The following SCTR variants were observed in gnomAD, a reference collection of about 807,000 sequenced individuals.
SCTR encodes the protein secretin receptor, also known as pancreatic secretin receptor.
Under a neutral mutation model 60.8 loss-of-function variants are expected in SCTR, and 56 were observed. The ratio of observed to expected loss-of-function variants is 0.92; its 90% CI spans 0.74 to 1.15. The LOEUF is 1.15. SCTR is among the 50% of genes most tolerant of loss of function. The pLI, the probability that SCTR is intolerant of heterozygous loss-of-function variation, is 0.00. For synonymous variants in SCTR, 202 were observed against 217.0 expected, an observed-to-expected ratio of 0.93 and a Z score of 0.61; for missense variants, 562 against 550.4, an observed-to-expected ratio of 1.02 and a Z score of -0.21.
At chr2:119,468,477 A>G (rs1022397958) in intron 4 of SCTR, among the ~76,000 whole-genome samples, 5 of 152,224 alleles carry the variant, frequency 3.3e-5, no homozygotes, top group Non-Finnish European at 5.9e-5. Flanking sequence ...TCATCTGCAA[A>G]ATGGGGATAA....
chr2:119,448,353 C>T (rs1258887854), intron 10 of SCTR, among the ~76,000 whole-genome samples: 1 of 152,176 alleles, frequency 6.6e-6, no homozygotes, highest in African/African-American at 2.4e-5. Context: ...GAAGGTCATC[C>T]TCCTCTGAAA....
Position 119,472,477 on chromosome 2 carries a change from C to A in SCTR, c.405+976G>T, listed in dbSNP as rs943543292. On this transcript the variant is annotated intron_variant, in intron 4 of 12. Coordinates refer to ENST00000019103, the MANE Select transcript of SCTR (RefSeq NM_002980.3). The stretch of plus-strand genomic sequence containing the variant: ...GGACAGTGATGCAGAGTGAGCTGAG[C>A]CCAGACAGGGCCCTGATGGCCACCC... Among the ~76,000 whole-genome samples, 8 of 152,282 alleles carry A rather than the reference C, an allele frequency of 5.3e-5. No individual in the cohort carries two copies. The East Asian group carries it at 1.5e-3, about 29-fold the overall frequency.
In SCTR at chr2:119,488,404, C is replaced by T. The variant is rs566440182; in HGVS notation, c.193+6024G>A. On this transcript the variant is annotated intron_variant, in intron 2 of 12. Coordinates refer to ENST00000019103, the MANE Select transcript of SCTR (RefSeq NM_002980.3). The stretch of plus-strand genomic sequence containing the variant: ...GTATGGTCAGGGCTTGCCCAGGTCC[C>T]CCCAGTGAGTGTGAGGCAGAAGTCA... Among the ~76,000 whole-genome samples, 26 of 152,338 alleles carry T rather than the reference C, an allele frequency of 1.7e-4. No homozygotes were observed. In the East Asian group the frequency reaches 4.4e-3, roughly 26 times the overall value.
Position 119,478,877 on chromosome 2 carries a change from A to G in SCTR, c.235T>C (p.Ser79Pro), listed in dbSNP as rs939678324. 2 of 1,614,158 alleles carry G rather than the reference A, an allele frequency of 1.2e-6. No homozygotes were observed. The stretch of plus-strand genomic sequence containing the variant: ...ACCTCCACCATCCGGCCCGGCACAG[A>G]AGAGGGCCAGCAGCTTATGTTGTCC... The part of the protein sequence containing the change: ...MWDNISCWPS[S>P]VPGRMVEVEC... Residue 79 changes from serine to proline, a missense_variant, in exon 3 of 13, where the codon TCT (serine) becomes CCT (proline). By Grantham distance (74) the Ser-to-Pro change is moderately conservative. Coordinates refer to ENST00000019103, the MANE Select transcript of SCTR (RefSeq NM_002980.3).
intron 10 of SCTR, among the ~76,000 whole-genome samples, chr2:119,447,250 A>G (rs1260351477): frequency 1.3e-5 from 2 of 152,148 alleles, no homozygotes; most frequent in Admixed American, 6.5e-5. Flanking sequence ...TTTGCTAGAT[A>G]ATAAATATCT....
intron 3 of SCTR, among the ~76,000 whole-genome samples, chr2:119,474,423 G>A (rs77998563): frequency 0.038 from 5,853 of 152,324 alleles, 367 homozygotes; most frequent in African/African-American, 0.13. Context: ...GAAGGCCACC[G>A]TGAGGAGTTT....
At chr2:119,473,596 A>G in intron 3 of SCTR, 40 bp from the exon 4 acceptor site, 2 of 1,214,396 alleles carry the variant, frequency 1.6e-6, no homozygotes, top group South Asian at 1.2e-5. Flanking sequence ...CCATGGGCCC[A>G]GGCACTGTGA....
chr2:119,477,104 A>C (rs527387816), intron 3 of SCTR: 3 of 152,350 alleles, frequency 2.0e-5, no homozygotes, highest in Admixed American at 1.3e-4. Flanking sequence ...TATTTTCCCC[A>C]TTTTACAGTC....
rs1219374429 is a variant in SCTR at position 119,446,897 on chromosome 2, G to T, written c.1014-12C>A. The T allele has an allele frequency of 4.0e-6, 6 of 1,495,166 alleles. No individual in the cohort carries two copies. In the Admixed American group the frequency reaches 1.3e-4, roughly 32 times the overall value. The allele number at this position is 1,495,166 out of a possible 1,614,324, so 92.6% of individuals were successfully genotyped here. ...ACCTGGCCAGGCGCCTGGGGACACAGAAAGCCTGTAGCCTCCACTCTGCCT... is the reference window on the plus strand; with the variant it reads ...ACCTGGCCAGGCGCCTGGGGACACATAAAGCCTGTAGCCTCCACTCTGCCT... On this transcript the variant is annotated splice_polypyrimidine_tract_variant and intron_variant, in intron 10 of 12. Coordinates refer to ENST00000019103, the MANE Select transcript of SCTR (RefSeq NM_002980.3).
chr2:119,462,044 G>C, intron 6 of SCTR, 44 bp from the exon 7 acceptor site: 2 of 1,566,192 alleles, frequency 1.3e-6, no homozygotes, highest in Non-Finnish European at 1.7e-6. Flanking sequence ...GTGGCAGTGG[G>C]GTTCCCTCTG....
intron 1 of SCTR, among the ~76,000 whole-genome samples, chr2:119,523,570 T>C (rs1019585378): frequency 7.9e-5 from 12 of 151,806 alleles, no homozygotes; most frequent in Non-Finnish European, 1.5e-4. Flanking sequence ...GGCGGTCCCA[T>C]CGCAGACCCA....
chr2:119,497,025 A>C (rs1479049318), intron 1 of SCTR, among the ~76,000 whole-genome samples: 1 of 152,170 alleles, frequency 6.6e-6, no homozygotes, highest in Non-Finnish European at 1.5e-5. Context: ...AGTCTCCCCC[A>C]ACCCATGATA....
intron 1 of SCTR, among the ~76,000 whole-genome samples, chr2:119,502,129 G>A (rs1174073548): frequency 4.6e-5 from 7 of 152,104 alleles, no homozygotes; most frequent in African/African-American, 1.7e-4. Context: ...GGTGTCATGA[G>A]CCCGTAGTCC....
At chr2:119,448,581 T>G (rs952917272) in intron 10 of SCTR, 108 bp downstream of exon 10, 1 of 700,268 alleles carries the variant, frequency 1.4e-6, no homozygotes, top group Non-Finnish European at 2.6e-6. Context: ...TACGACTAGG[T>G]CTACAACGTT....
chr2:119,513,650 T>C (rs141071948), intron 1 of SCTR, among the ~76,000 whole-genome samples: 2 of 152,324 alleles, frequency 1.3e-5, no homozygotes, highest in Non-Finnish European at 2.9e-5. Flanking sequence ...CTTTTGTCTT[T>C]TCCTAGAATT....
intron 2 of SCTR, among the ~76,000 whole-genome samples, chr2:119,490,338 C>T (rs1379328247): frequency 6.6e-6 from 1 of 152,226 alleles, no homozygotes; most frequent in Non-Finnish European, 1.5e-5. Flanking sequence ...CTCACAAACC[C>T]TCATGTTCCT....
chr2:119,442,921 G>A (rs977189969), intron 11 of SCTR, among the ~76,000 whole-genome samples: 2 of 152,158 alleles, frequency 1.3e-5, no homozygotes, highest in Non-Finnish European at 2.9e-5. Flanking sequence ...AGCTAGGCCT[G>A]AGTAATTGTA....
intron 2 of SCTR, chr2:119,479,262 G>C (rs1677487923): frequency 2.9e-6 from 3 of 1,037,964 alleles, no homozygotes; most frequent in Non-Finnish European, 3.5e-6. Context: ...CAATCAGTTT[G>C]CATTAAACAA....
At chr2:119,473,736 C>A (rs968725452) in intron 3 of SCTR, among the ~76,000 whole-genome samples, 180 bp from the exon 4 acceptor site, 1 of 152,172 alleles carries the variant, frequency 6.6e-6, no homozygotes, top group Non-Finnish European at 1.5e-5. Flanking sequence ...GTGATTTGAA[C>A]CCTGGGGCTC....
Sources: gnomAD v4.1 joint callset for allele counts (sites outside exome capture counted in the v4.1 genomes callset) on GRCh38, gnomAD v4.1.1 for gene constraint, MANE v1.5 for transcripts, NCBI Gene and HGNC (gene_info 2026-07-23, HGNC 2026-07-21) for gene names.